The following P2RY6 variants were observed in gnomAD, a reference collection of about 807,000 sequenced individuals.
P2RY6 encodes the protein pyrimidinergic receptor P2Y6, also known as P2Y purinoceptor 6.
Under a neutral mutation model 16.3 loss-of-function variants are expected in P2RY6, and 19 were observed. The observed-to-expected ratio is 1.16, with a 90% CI of 0.81 to 1.71. The LOEUF (loss-of-function observed/expected upper bound fraction) is 1.71, where lower values mean the gene tolerates loss of function less well. Ranked by LOEUF, P2RY6 falls within the 40% of genes most tolerant of loss-of-function variation. The probability of loss-of-function intolerance (pLI) is 0.00; values close to 1 mark genes in which losing one functional copy is unlikely to be tolerated. For synonymous variants in P2RY6, 184 were observed against 201.5 expected, an observed-to-expected ratio of 0.91 and a Z score of 0.74; for missense variants, 389 against 455.5, an observed-to-expected ratio of 0.85 and a Z score of 1.33.
chr11:73,298,264 T>C lies in P2RY6; in HGVS notation c.*759T>C, dbSNP rs1378811768. 1 of 167,168 alleles carries C rather than the reference T, an allele frequency of 6.0e-6. No individual in the cohort carries two copies. Among genetic ancestry groups the C allele is most frequent in the African/African-American group, 2.4e-5 (1 of 41,452 alleles). The allele number at this position is 167,168 out of a possible 1,614,324, so 10.4% of individuals were successfully genotyped here. ...TTTAATGCAACCCAGGTATGCTCCA[T>C]GCATATCCAGCTGGGCCAGCCTCGT... On this transcript the variant is annotated 3_prime_UTR_variant, in exon 3 of 3. Transcript: ENST00000540124.
At chr11:73,288,894 C>T (rs1266015951) in intron 1 of P2RY6, among the ~76,000 whole-genome samples, 3 of 152,232 alleles carry the variant, frequency 2.0e-5, no homozygotes, top group Non-Finnish European at 4.4e-5. Context: ...TGCTAACTCA[C>T]CGGCCAGGGG....
chr11:73,297,475 C>T lies in P2RY6; in HGVS notation c.957C>T (p.Leu319=). Residue 319 remains leucine, a synonymous_variant, in exon 3 of 3, where the codon CTC becomes CTT. Transcript: ENST00000540124. ...GACCACATGAGCTCCTACAGAAACT[C>T]ACAGCCAAATGGCAGAGGCAGGGTC... ...RRRPHELLQK[L]TAKWQRQGR 6.2e-7 allele frequency: 1 copy of T among 1,610,446 alleles called. No homozygotes were observed. The highest frequency in any genetic ancestry group is 8.5e-7 in the Non-Finnish European group (1 of 1,177,792).
At chr11:73,279,485 A>G (rs1863672210) in intron 1 of P2RY6, among the ~76,000 whole-genome samples, 1 of 152,240 alleles carries the variant, frequency 6.6e-6, no homozygotes, top group Admixed American at 6.5e-5. Flanking sequence ...AGCTTAGGCA[A>G]GAAAATGTAT....
intron 1 of P2RY6, among the ~76,000 whole-genome samples, chr11:73,282,729 A>G (rs961592218): frequency 6.6e-6 from 1 of 151,636 alleles, no homozygotes; most frequent in African/African-American, 2.4e-5. Context: ...ATATTGTAAG[A>G]CTCCTTGTAA....
chr11:73,272,751 A>T (rs1863368133), intron 1 of P2RY6, among the ~76,000 whole-genome samples: 1 of 152,354 alleles, frequency 6.6e-6, no homozygotes, highest in East Asian at 1.9e-4. Flanking sequence ...GGAATAGCTC[A>T]GTCAGGATTC....
At position 73,289,634 on chromosome 11, in the gene P2RY6, G is replaced by A. The variant is rs188236525; in HGVS notation, c.-120-6096G>A. 5.5e-3 allele frequency among the ~76,000 whole-genome samples: 843 copies of A among 152,378 alleles called. 7 individuals carry two copies. Among genetic ancestry groups the A allele is most frequent in the Non-Finnish European group, 8.7e-3 (593 of 68,040 alleles). ...CTGGCTGTGTGACGGAACGGGGCTG[G>A]CTGTCCTCTGGCGCCATCTCATGGC... On this transcript the variant is annotated intron_variant, in intron 1 of 2. Transcript: ENST00000540124.
At chr11:73,276,143 A>G (rs142790332) in intron 1 of P2RY6, among the ~76,000 whole-genome samples, 1 of 152,380 alleles carries the variant, frequency 6.6e-6, no homozygotes, top group African/African-American at 2.4e-5. Flanking sequence ...AGGAGCAATT[A>G]GGGAAATGCA....
rs997021186 is a variant in P2RY6, at chr11:73,278,408, C to T, written c.-121+5942C>T. ...CTCCTGACCTCAGGTGATCTGCCCA[C>T]CCGCCTAGGCCTCCCAAAATGCTGG... On this transcript the variant is annotated intron_variant, in intron 1 of 2. Transcript: ENST00000540124. Among the ~76,000 whole-genome samples, 3 of 152,134 alleles carry T rather than the reference C, an allele frequency of 2.0e-5. No homozygotes were observed. The East Asian group carries it at 5.8e-4, about 29-fold the overall frequency.
intron 1 of P2RY6, among the ~76,000 whole-genome samples, chr11:73,281,966 CA>C (rs1489939035): frequency 2.0e-5 from 3 of 152,206 alleles, no homozygotes; most frequent in African/African-American, 7.2e-5. Flanking sequence ...GCTGGAGCAT[CA>C]GGCTTGATGA....
In P2RY6 at chr11:73,297,156, G is replaced by C. The variant is rs781508934; in HGVS notation, c.638G>C (p.Cys213Ser). 3 of 1,604,920 alleles carry C rather than the reference G, an allele frequency of 1.9e-6. No individual in the cohort carries two copies. Among genetic ancestry groups the C allele is most frequent in the Non-Finnish European group, 2.5e-6 (3 of 1,179,912 alleles). The change falls in exon 3 of 3, where the codon TGT (cysteine) becomes TCT (serine). Residue 213 changes from cysteine to serine, a missense_variant. Coordinates refer to ENST00000540124, the MANE Select transcript of P2RY6 (RefSeq NM_001277204.2). Reference protein sequence around the residue: ...LPFAALLACYCLLACRLCRQD... With the variant: ...LPFAALLACYSLLACRLCRQD... ...TTTGCTGCCCTGCTGGCCTGCTACT[G>C]TCTCCTGGCCTGCCGCCTGTGCCGC...
At chr11:73,274,257 G>C (rs1863437775) in intron 1 of P2RY6, among the ~76,000 whole-genome samples, 1 of 152,138 alleles carries the variant, frequency 6.6e-6, no homozygotes, top group Non-Finnish European at 1.5e-5. Flanking sequence ...TAACTGTTGT[G>C]GCTTACCTAG....
intron 1 of P2RY6, among the ~76,000 whole-genome samples, chr11:73,280,341 C>A (rs1477457885): frequency 6.6e-6 from 1 of 152,172 alleles, no homozygotes; most frequent in African/African-American, 2.4e-5. Flanking sequence ...TGGGGCAATG[C>A]ACATCTGGCA....
At chr11:73,282,348 A>T (rs779072417) in intron 1 of P2RY6, among the ~76,000 whole-genome samples, 1 of 152,218 alleles carries the variant, frequency 6.6e-6, no homozygotes, top group African/African-American at 2.4e-5. Flanking sequence ...GGATCTCCCA[A>T]TGAGGACTTT....
Position 73,297,446 on chromosome 11 carries a change from C to T in P2RY6, c.928C>T (p.Arg310Trp), listed in dbSNP as rs139336490. ...LFYFTQKKFRRRPHELLQKLT... is the reference protein window; with the variant it reads ...LFYFTQKKFRWRPHELLQKLT... ...CTACTTCACCCAGAAGAAGTTCCGC[C>T]GGCGACCACATGAGCTCCTACAGAA... Residue 310 changes from arginine to tryptophan, a missense_variant, in exon 3 of 3, where the codon CGG (arginine) becomes TGG (tryptophan). By Grantham distance (101) the Arg-to-Trp change is moderately radical. Transcript: ENST00000540124. 58 of 1,612,510 alleles carry T rather than the reference C, an allele frequency of 3.6e-5. 1 individual carries two copies. Among genetic ancestry groups the T allele is most frequent in the African/African-American group, 2.7e-4 (20 of 75,060 alleles).
At chr11:73,286,036 A>C (rs1164663845) in intron 1 of P2RY6, among the ~76,000 whole-genome samples, 1 of 152,164 alleles carries the variant, frequency 6.6e-6, no homozygotes, top group Non-Finnish European at 1.5e-5. Flanking sequence ...CTAGGAGAGG[A>C]GTGAGCTCCC....
upstream of P2RY6, among the ~76,000 whole-genome samples, chr11:73,268,849 C>T (rs1326124670): frequency 6.6e-6 from 1 of 152,220 alleles, no homozygotes; most frequent in Non-Finnish European, 1.5e-5. Context: ...GGGCGGTGGC[C>T]AGGGATGTGC....
chr11:73,276,284 A>C (rs1203911249), intron 1 of P2RY6, among the ~76,000 whole-genome samples: 1 of 152,276 alleles, frequency 6.6e-6, no homozygotes, highest in African/African-American at 2.4e-5. Flanking sequence ...AGAATGAAAA[A>C]GTATACAGCC....
At chr11:73,286,319 T>A (rs2135729905) in intron 1 of P2RY6, among the ~76,000 whole-genome samples, 1 of 151,586 alleles carries the variant, frequency 6.6e-6, no homozygotes, top group East Asian at 1.9e-4. Context: ...AGGGGAGGAG[T>A]TCCCTGAGGC....
At chr11:73,285,274 A>G (rs1464948307) in intron 1 of P2RY6, among the ~76,000 whole-genome samples, 1 of 152,196 alleles carries the variant, frequency 6.6e-6, no homozygotes, top group Non-Finnish European at 1.5e-5. Context: ...GGCTTTCTCT[A>G]TGTTGCCCAG....
Sources: allele counts gnomAD v4.1 joint callset (sites outside exome capture counted in the v4.1 genomes callset), GRCh38; gene constraint gnomAD v4.1.1; transcripts MANE v1.5; gene names NCBI Gene and HGNC (gene_info 2026-07-23, HGNC 2026-07-21).